UGGT2: variants seen among roughly 807,000 people sequenced by gnomAD.
UGGT2 encodes the protein UDP-glucose:glycoprotein glucosyltransferase 2.
UGGT2 carries 180 observed loss-of-function variants against 192.1 expected under a neutral mutation model. The observed-to-expected ratio is 0.94, with a 90% confidence interval of 0.83 to 1.06. The LOEUF is 1.06. Ranked by LOEUF, UGGT2 falls within the 50% of genes least tolerant of loss-of-function variation. UGGT2 has a pLI of 0.00. For synonymous variants in UGGT2, 580 were observed against 591.0 expected (o/e 0.98, Z 0.27); for missense variants, 1,849 against 1,795.7 (o/e 1.03, Z -0.54).
intron 2 of UGGT2, among the ~76,000 whole-genome samples, chr13:96,026,712 C>T (rs1171174959): frequency 3.8e-5 from 5 of 132,386 alleles, no homozygotes; most frequent in Admixed American, 8.9e-5. Context: ...TCGCCCAGGT[C>T]GGACTGCGGA....
chr13:96,053,158 G>C lies in UGGT2; in HGVS notation c.155C>G (p.Ala52Gly), dbSNP rs1200505613. ...KWPETPLLLE[A>G]SEFMAEESNE... ...CGAGGGCCCGGCCCGCACCCACCTT[G>C]CCTCCAGCAGCAGCGGGGTCTCGGG... is the stretch of plus-strand genomic sequence containing the variant. The change falls in exon 1 of 39, where the codon GCA (alanine) becomes GGA (glycine). Residue 52 changes from alanine to glycine, a missense_variant. Physicochemically the swap from Ala to Gly is moderately conservative, Grantham distance 60 (BLOSUM62 0). Coordinates refer to ENST00000376747, the MANE Select transcript of UGGT2 (RefSeq NM_020121.4). 6.6e-7 allele frequency: 1 copy of C among 1,509,954 alleles called. No individual in the cohort carries two copies. Among genetic ancestry groups the C allele is most frequent in the Non-Finnish European group, 8.8e-7 (1 of 1,133,402 alleles). The allele number at this position is 1,509,954 out of a possible 1,614,324, so 93.5% of individuals were successfully genotyped here.
intron 29 of UGGT2, among the ~76,000 whole-genome samples, chr13:95,872,820 T>G (rs1809773812): frequency 6.6e-6 from 1 of 152,198 alleles, no homozygotes; most frequent in Non-Finnish European, 1.5e-5. Flanking sequence ...AGAATCTAAA[T>G]CATGTATAGT....
intron 2 of UGGT2, among the ~76,000 whole-genome samples, chr13:96,026,020 C>A (rs1315407665): frequency 6.6e-6 from 1 of 151,878 alleles, no homozygotes; most frequent in African/African-American, 2.4e-5. Flanking sequence ...TACTTGTAGA[C>A]CCTAAGGCAG....
At chr13:96,034,419 C>A (rs2052936284) in intron 1 of UGGT2, among the ~76,000 whole-genome samples, 1 of 152,240 alleles carries the variant, frequency 6.6e-6, no homozygotes, top group African/African-American at 2.4e-5. Flanking sequence ...GCCTTGCTCA[C>A]CTTCCAGTTG....
intron 20 of UGGT2, among the ~76,000 whole-genome samples, chr13:95,924,614 G>A (rs2048962674): frequency 6.6e-6 from 1 of 151,934 alleles, no homozygotes; most frequent in Non-Finnish European, 1.5e-5. Flanking sequence ...CTGAATAGAA[G>A]TTATTTGCTC....
intron 20 of UGGT2, among the ~76,000 whole-genome samples, chr13:95,925,081 T>C (rs1480430189): frequency 6.6e-6 from 1 of 152,198 alleles, no homozygotes. Flanking sequence ...TCATAAAATA[T>C]TTTGGTTTAT....
At chr13:95,833,147 T>C (rs1886909909) in intron 37 of UGGT2, 94 bp from the exon 38 acceptor site, 1 of 1,417,886 alleles carries the variant, frequency 7.1e-7, no homozygotes, top group Non-Finnish European at 9.5e-7. Context: ...ATACATTTTA[T>C]AAAAAGCAGA....
intron 5 of UGGT2, among the ~76,000 whole-genome samples, chr13:96,011,514 A>C (rs763060079): frequency 2.0e-5 from 3 of 152,058 alleles, no homozygotes; most frequent in Non-Finnish European, 4.4e-5. Flanking sequence ...AAAAAAACTG[A>C]CATTAACAAA....
At chr13:96,032,812 T>C (rs2052878511) in intron 1 of UGGT2, among the ~76,000 whole-genome samples, 1 of 152,210 alleles carries the variant, frequency 6.6e-6, no homozygotes, top group Non-Finnish European at 1.5e-5. Context: ...TAACTAATTC[T>C]TGTGAGTCTG....
chr13:95,943,401 C>A (rs1173512360), intron 15 of UGGT2, among the ~76,000 whole-genome samples: 1 of 151,870 alleles, frequency 6.6e-6, no homozygotes, highest in African/African-American at 2.4e-5. Context: ...AACTGACCTT[C>A]CCCCCAGCCC....
chr13:96,013,535 T>A, intron 4 of UGGT2, 54 bp from the exon 5 acceptor site: 1 of 1,268,062 alleles, frequency 7.9e-7, no homozygotes, highest in Non-Finnish European at 1.1e-6. Context: ...TAATGGCATA[T>A]CAATTCTGTA....
intron 4 of UGGT2, among the ~76,000 whole-genome samples, chr13:96,017,586 T>C (rs1028378265): frequency 6.6e-5 from 10 of 152,216 alleles, no homozygotes; most frequent in Admixed American, 2.6e-4. Flanking sequence ...ATAAAATCGG[T>C]ACATACCAGT....
intron 38 of UGGT2, among the ~76,000 whole-genome samples, chr13:95,805,834 G>A (rs934121873): frequency 1.3e-5 from 2 of 151,846 alleles, no homozygotes; most frequent in Admixed American, 1.3e-4. Flanking sequence ...AAAAAGTTCT[G>A]GAGTTCTATT....
chr13:95,951,338 T>G (rs1340711060), intron 12 of UGGT2, among the ~76,000 whole-genome samples: 1 of 152,156 alleles, frequency 6.6e-6, no homozygotes, highest in Non-Finnish European at 1.5e-5. Context: ...AAGAAAGAAT[T>G]AATGAATTTG....
chr13:95,817,345 G>A (rs749570069), intron 38 of UGGT2, among the ~76,000 whole-genome samples: 1 of 152,168 alleles, frequency 6.6e-6, no homozygotes, highest in Non-Finnish European at 1.5e-5. Context: ...AGCACTTTGC[G>A]GGGCTAAGGT....
chr13:95,801,854 CATAAAA>C (rs779747917), intron 38 of UGGT2, 42 bp from the exon 39 acceptor site: 8 of 1,608,630 alleles, frequency 5.0e-6, no homozygotes, highest in Non-Finnish European at 6.8e-6. Context: ...GCATCTTAAA[CATAAAA>C]ATATCTTAAA....
At chr13:95,862,467 T>C (rs1890249565) in intron 31 of UGGT2, among the ~76,000 whole-genome samples, 1 of 152,164 alleles carries the variant, frequency 6.6e-6, no homozygotes, top group South Asian at 2.1e-4. Flanking sequence ...CTGTTCCCCT[T>C]CTAGTAACAA....
rs1477134695 is a variant in UGGT2 at position 95,931,682 on chromosome 13, C to A, written c.1978-4346G>T. Among the ~76,000 whole-genome samples, 6 of 152,188 alleles carry A rather than the reference C, an allele frequency of 3.9e-5. No individual in the cohort carries two copies. The East Asian group carries it at 7.8e-4, about 20-fold the overall frequency. On this transcript the variant is annotated intron_variant, in intron 17 of 38. Transcript: ENST00000376747. ...AGCGCACCCTCTGTAGCTGCTGGCC[C>A]GGGTGCTACGCCCCTCACTGCCCGG...
At chr13:95,929,139 A>G (rs546889749) in intron 17 of UGGT2, among the ~76,000 whole-genome samples, 8 of 152,262 alleles carry the variant, frequency 5.3e-5, no homozygotes, top group Admixed American at 1.3e-4. Flanking sequence ...GCCAAGATGG[A>G]GGCAGTACAG....
Sources: allele counts gnomAD v4.1 joint callset (sites outside exome capture counted in the v4.1 genomes callset), GRCh38; gene constraint gnomAD v4.1.1; transcripts MANE v1.5; gene names NCBI Gene and HGNC (gene_info 2026-07-23, HGNC 2026-07-21).